CBFA2T3: variants seen among roughly 807,000 people sequenced by gnomAD.
The protein encoded by CBFA2T3 is CBFA2/RUNX1 partner transcriptional co-repressor 3, also known as transcriptional corepressor CBFA2T3.
A neutral mutation model predicts 58.6 loss-of-function variants in CBFA2T3; 31 were observed. The observed-to-expected ratio is 0.53, with a 90% CI of 0.40 to 0.71. The LOEUF is 0.71. CBFA2T3 is among the 30% of genes least tolerant of loss of function. The pLI is 0.00. For missense variants in CBFA2T3, 1,076 were observed against 963.1 expected (o/e 1.12, Z -1.55); for synonymous variants, 531 against 421.9 (o/e 1.26, Z -3.17).
intron 2 of CBFA2T3, among the ~76,000 whole-genome samples, chr16:88,899,643 C>T (rs138199799): frequency 0.013 from 1,991 of 152,258 alleles, 24 homozygotes; most frequent in Non-Finnish European, 0.02. Context: ...AGCATCAGAC[C>T]GGCACCTTCC....
At chr16:88,919,948 T>C (rs1970858146) in intron 1 of CBFA2T3, among the ~76,000 whole-genome samples, 1 of 152,208 alleles carries the variant, frequency 6.6e-6, no homozygotes, top group African/African-American at 2.4e-5. Context: ...TTGATGAGAA[T>C]TAAAGCGATT....
intron 5 of CBFA2T3, among the ~76,000 whole-genome samples, chr16:88,890,077 C>T (rs1175945793): frequency 2.0e-5 from 3 of 149,764 alleles, no homozygotes; most frequent in Non-Finnish European, 3.0e-5. Flanking sequence ...CGATGCCCCG[C>T]GATTCCTCCT....
chr16:88,931,912 T>C (rs1971320613), intron 1 of CBFA2T3, among the ~76,000 whole-genome samples: 1 of 152,062 alleles, frequency 6.6e-6, no homozygotes, highest in Non-Finnish European at 1.5e-5. Flanking sequence ...GGGGCACTTA[T>C]CATTTGTGGA....
At chr16:88,915,056 C>A (rs1014027219) in intron 1 of CBFA2T3, among the ~76,000 whole-genome samples, 1 of 151,486 alleles carries the variant, frequency 6.6e-6, no homozygotes. Flanking sequence ...AGCACTGGCC[C>A]TGGCACCCTG....
At chr16:88,944,139 C>T (rs1971838852) in intron 1 of CBFA2T3, among the ~76,000 whole-genome samples, 1 of 152,000 alleles carries the variant, frequency 6.6e-6, no homozygotes, top group Non-Finnish European at 1.5e-5. Context: ...AGATCAAGAC[C>T]GTCCTGGCTA....
chr16:88,875,092 G>T lies in CBFA2T3; in HGVS notation c.*1884C>A. ...GGCCACGGGCCACGCCACGCGCACA[G>T]ATGCCAGGCCACGGGCCACGCCACA... On this transcript the variant is annotated 3_prime_UTR_variant, in exon 12 of 12. Transcript: ENST00000268679. 4.2e-6 allele frequency: 1 copy of T among 235,872 alleles called. No homozygotes were observed. The highest frequency in any genetic ancestry group is 8.4e-6 in the Non-Finnish European group (1 of 119,594). 14.6% of individuals were successfully genotyped at this position (235,872 alleles called of 1,614,324 possible).
At position 88,885,669 on chromosome 16, in the gene CBFA2T3, C is replaced by T. The variant is rs1452891526; in HGVS notation, c.893+292G>A. The T allele has an allele frequency of 5.6e-5, 26 of 465,088 alleles. No homozygotes were observed. The highest frequency in any genetic ancestry group is 8.1e-5 in the African/African-American group (4 of 49,542). 28.8% of individuals were successfully genotyped at this position (465,088 alleles called of 1,614,324 possible). A position where few individuals can be genotyped will look rare whatever the true frequency, so the allele number is the denominator to read the frequency against. ...CCAGGCACCTGGGGACCATGGACCC[C>T]GGACGCTCGGAGTCCATGCCCGGCA... On this transcript the variant is annotated intron_variant, in intron 6 of 11. Coordinates refer to ENST00000268679, the MANE Select transcript of CBFA2T3 (RefSeq NM_005187.6). The surrounding 1 kb of genome is among the most constrained non-coding windows in gnomAD (Gnocchi z 5.3).
rs1296940087 is a variant in CBFA2T3 at position 88,874,970 on chromosome 16, G to A, written c.*2006C>T. The A allele has an allele frequency of 4.3e-6, 1 of 233,412 alleles. No individual in the cohort carries two copies. Among genetic ancestry groups the A allele is most frequent in the Non-Finnish European group, 8.5e-6 (1 of 117,962 alleles). 14.5% of individuals were successfully genotyped at this position (233,412 alleles called of 1,614,324 possible). On this transcript the variant is annotated 3_prime_UTR_variant, in exon 12 of 12. Coordinates refer to ENST00000268679, the MANE Select transcript of CBFA2T3 (RefSeq NM_005187.6). The stretch of plus-strand genomic sequence containing the variant: ...CATTAACGTACACGCTCAGCTTCAG[G>A]CCTCTGGCGGGCTGTTCGTGGCTGG...
At chr16:88,972,403 T>G (rs1181393619) in intron 1 of CBFA2T3, among the ~76,000 whole-genome samples, 1 of 152,052 alleles carries the variant, frequency 6.6e-6, no homozygotes, top group Non-Finnish European at 1.5e-5. Flanking sequence ...TGGATGCCCC[T>G]CTCTCTATTA....
rs879433719 is a variant in CBFA2T3 at position 88,967,120 on chromosome 16, CCCGAGGT to C, written c.151+9530_151+9536del. Among the ~76,000 whole-genome samples the C allele has an allele frequency of 2.4e-3, 333 of 138,500 alleles. 3 individuals carry two copies. Among genetic ancestry groups the C allele is most frequent in the Admixed American group, 3.1e-3 (44 of 14,172 alleles). 90.9% of individuals were successfully genotyped at this position (138,500 alleles called of 152,430 possible). On this transcript the variant is annotated intron_variant, in intron 1 of 11. Coordinates refer to ENST00000268679, the MANE Select transcript of CBFA2T3 (RefSeq NM_005187.6). ...TGTGTGCCACCCCCAACCCCCAACC[CCCGAGGT>C]GCCACTCGGCCCCGACACGCGGCAG... is the stretch of plus-strand genomic sequence containing the variant.
At chr16:88,904,181 C>T (rs1970212928) in intron 1 of CBFA2T3, among the ~76,000 whole-genome samples, 1 of 152,224 alleles carries the variant, frequency 6.6e-6, no homozygotes, top group African/African-American at 2.4e-5. Context: ...TGCCGGCGCC[C>T]TGAGCAGTCG....
chr16:88,887,721 C>G (rs1969438406), intron 5 of CBFA2T3, among the ~76,000 whole-genome samples: 1 of 152,094 alleles, frequency 6.6e-6, no homozygotes, highest in African/African-American at 2.4e-5. Flanking sequence ...CCCCAGGAGC[C>G]CAGGGCACCC....
chr16:88,932,287 G>A (rs966491921), intron 1 of CBFA2T3, among the ~76,000 whole-genome samples: 14 of 147,370 alleles, frequency 9.5e-5, no homozygotes, highest in African/African-American at 3.0e-4. Flanking sequence ...AAAACAGGCA[G>A]AGCACACACT....
At chr16:88,898,275 GGAGA>G in intron 2 of CBFA2T3, 123 bp from the exon 3 acceptor site, 2 of 747,202 alleles carry the variant, frequency 2.7e-6, no homozygotes, top group Non-Finnish European at 4.6e-6. Context: ...GGCGTGGGCA[GGAGA>G]CTGCCCTCAG....
intron 1 of CBFA2T3, among the ~76,000 whole-genome samples, chr16:88,954,135 C>G (rs1264617557): frequency 1.3e-5 from 2 of 152,154 alleles, no homozygotes; most frequent in African/African-American, 4.8e-5. Context: ...CACCACTGAC[C>G]AAGATAGCCC....
intron 3 of CBFA2T3, among the ~76,000 whole-genome samples, chr16:88,893,884 A>AG (rs1406512453): frequency 5.3e-5 from 8 of 152,134 alleles, no homozygotes; most frequent in African/African-American, 1.9e-4. Context: ...CAGGAGCCTG[A>AG]GGGGCGGCCT....
intron 1 of CBFA2T3, among the ~76,000 whole-genome samples, chr16:88,924,286 G>A (rs1020097843): frequency 2.6e-5 from 4 of 152,218 alleles, no homozygotes; most frequent in Non-Finnish European, 4.4e-5. Flanking sequence ...CTGTGCTGAC[G>A]TGGGGCACAC....
At chr16:88,918,946 CA>C (rs1179044759) in intron 1 of CBFA2T3, among the ~76,000 whole-genome samples, 1 of 152,276 alleles carries the variant, frequency 6.6e-6, no homozygotes, top group African/African-American at 2.4e-5. Context: ...CTCTTAGAAG[CA>C]AAATTTATTC....
At chr16:88,951,799 A>G (rs982351103) in intron 1 of CBFA2T3, among the ~76,000 whole-genome samples, 6 of 152,228 alleles carry the variant, frequency 3.9e-5, no homozygotes, top group Non-Finnish European at 7.4e-5. Context: ...CGTGGGAGGC[A>G]AGCCCAGAGT....
Sources: allele counts gnomAD v4.1 joint callset (sites outside exome capture counted in the v4.1 genomes callset), GRCh38; gene constraint gnomAD v4.1.1; non-coding constraint Gnocchi (gnomAD v3.1); transcripts MANE v1.5; gene names NCBI Gene and HGNC (gene_info 2026-07-23, HGNC 2026-07-21).